The following BACH2 variants were observed in gnomAD, a reference collection of about 807,000 sequenced individuals.
BACH2 encodes the protein transcription regulator protein BACH2.
Under a neutral mutation model 61.8 loss-of-function variants are expected in BACH2, and 5 were observed. The ratio of observed to expected loss-of-function variants is 0.08; its 90% CI spans 0.04 to 0.17. The LOEUF (loss-of-function observed/expected upper bound fraction) is 0.17, where lower values mean the gene tolerates loss of function less well. BACH2 is among the 10% of genes least tolerant of loss of function. BACH2 has a pLI of 1.00. For synonymous variants in BACH2, 446 were observed against 440.1 expected, an observed-to-expected ratio of 1.01 and a Z score of -0.17; for missense variants, 824 against 1,091.1, an observed-to-expected ratio of 0.76 and a Z score of 3.45.
chr6:89,927,684 C>T lies in BACH2; in HGVS notation c.*4724G>A, dbSNP rs1231287137. 1 of 152,774 alleles carries T rather than the reference C, an allele frequency of 6.5e-6. No individual in the cohort carries two copies. The highest frequency in any genetic ancestry group is 1.9e-4 in the East Asian group (1 of 5,342). 9.5% of individuals were successfully genotyped at this position (152,774 alleles called of 1,614,324 possible). A position where few individuals can be genotyped will look rare whatever the true frequency, so the allele number is the denominator to read the frequency against. ...GGTATTCTTCACAAAATGGCAGCATCGTTTTCATATTACATTTAAAATGCA... is the reference window on the plus strand; with the variant it reads ...GGTATTCTTCACAAAATGGCAGCATTGTTTTCATATTACATTTAAAATGCA... On this transcript the variant is annotated 3_prime_UTR_variant, in exon 9 of 9. Transcript: ENST00000257749.
At chr6:90,083,252 T>C (rs1245466734) in intron 5 of BACH2, among the ~76,000 whole-genome samples, 1 of 152,222 alleles carries the variant, frequency 6.6e-6, no homozygotes, top group Non-Finnish European at 1.5e-5. Context: ...ACTATTAGAA[T>C]AAATTGATAA....
At chr6:90,005,944 A>T (rs1485427965) in intron 6 of BACH2, among the ~76,000 whole-genome samples, 1 of 152,230 alleles carries the variant, frequency 6.6e-6, no homozygotes, top group Non-Finnish European at 1.5e-5. Context: ...CACTTAAATG[A>T]GAACACACAG....
intron 3 of BACH2, among the ~76,000 whole-genome samples, chr6:90,207,664 A>C (rs556285429): frequency 6.6e-6 from 1 of 152,282 alleles, no homozygotes; most frequent in African/African-American, 2.4e-5. Flanking sequence ...CAGTGCTTTT[A>C]AAAATGAAAA....
intron 6 of BACH2, among the ~76,000 whole-genome samples, chr6:89,981,303 T>G (rs921059630): frequency 3.3e-5 from 5 of 149,736 alleles, no homozygotes; most frequent in Admixed American, 2.0e-4. Flanking sequence ...GGCTAATTTT[T>G]TTTTTCTTTT....
intron 5 of BACH2, among the ~76,000 whole-genome samples, chr6:90,083,851 AT>A (rs1781819560): frequency 6.6e-6 from 1 of 152,176 alleles, no homozygotes; most frequent in African/African-American, 2.4e-5. Flanking sequence ...GGACAAGAAT[AT>A]TTTTTATTAT....
intron 5 of BACH2, among the ~76,000 whole-genome samples, chr6:90,052,425 T>A (rs905001676): frequency 6.6e-6 from 1 of 152,072 alleles, no homozygotes; most frequent in African/African-American, 2.4e-5. Context: ...TATCTATCTA[T>A]CTATTTATTT....
rs114326473 is a variant in BACH2, at chr6:89,942,935, C to A, written c.1837-4585G>T. 5.6e-3 allele frequency among the ~76,000 whole-genome samples: 848 copies of A among 152,310 alleles called. 8 individuals are homozygous for A. Among genetic ancestry groups the A allele is most frequent in the African/African-American group, 0.02 (811 of 41,564 alleles). On this transcript the variant is annotated intron_variant, in intron 7 of 8. Transcript: ENST00000257749. Reference sequence around the variant, plus strand: ...ACGGTACCTGCCCTGTCCTGCTAAGCACGGCTATAGGAGGGTTAGTTCTTC... The same window carrying A: ...ACGGTACCTGCCCTGTCCTGCTAAGAACGGCTATAGGAGGGTTAGTTCTTC...
chr6:90,052,593 A>G (rs1308430110), intron 5 of BACH2, among the ~76,000 whole-genome samples: 1 of 151,954 alleles, frequency 6.6e-6, no homozygotes, highest in South Asian at 2.1e-4. Flanking sequence ...CTAATTTTTC[A>G]TATTTTTAGT....
At chr6:89,997,987 G>C (rs991894632) in intron 6 of BACH2, among the ~76,000 whole-genome samples, 3 of 152,176 alleles carry the variant, frequency 2.0e-5, no homozygotes, top group Admixed American at 6.5e-5. Context: ...GAAAATGATG[G>C]CTTAAAAATA....
intron 4 of BACH2, among the ~76,000 whole-genome samples, chr6:90,144,965 C>T (rs1472663390): frequency 2.6e-5 from 4 of 152,150 alleles, no homozygotes; most frequent in Non-Finnish European, 4.4e-5. Context: ...TCCTTGTAGA[C>T]GAAATCACTA....
At chr6:90,071,744 C>A (rs1781236789) in intron 5 of BACH2, among the ~76,000 whole-genome samples, 1 of 152,206 alleles carries the variant, frequency 6.6e-6, no homozygotes, top group African/African-American at 2.4e-5. Flanking sequence ...AACTTAATAG[C>A]CGGCTGTTGG....
intron 5 of BACH2, among the ~76,000 whole-genome samples, chr6:90,060,869 C>G (rs1050844496): frequency 6.6e-6 from 1 of 152,204 alleles, no homozygotes; most frequent in African/African-American, 2.4e-5. Flanking sequence ...TGCACCCCCA[C>G]ATGACCGTCA....
At chr6:90,111,009 T>C (rs749624495) in intron 4 of BACH2, among the ~76,000 whole-genome samples, 3 of 152,236 alleles carry the variant, frequency 2.0e-5, no homozygotes, top group Non-Finnish European at 4.4e-5. Flanking sequence ...ATTGTAAGCA[T>C]GTGCTGGTGA....
intron 4 of BACH2, among the ~76,000 whole-genome samples, chr6:90,179,253 T>A (rs527757384): frequency 6.6e-6 from 1 of 152,038 alleles, no homozygotes; most frequent in South Asian, 2.1e-4. Flanking sequence ...ACTAATGAAA[T>A]GTATCCATCT....
At chr6:90,132,572 T>A (rs1262597450) in intron 4 of BACH2, among the ~76,000 whole-genome samples, 1 of 152,138 alleles carries the variant, frequency 6.6e-6, no homozygotes, top group Non-Finnish European at 1.5e-5. Flanking sequence ...TCCATCTCTG[T>A]CTCTTTACTC....
In BACH2 at chr6:90,073,182, G is replaced by A. The variant is rs565327020; in HGVS notation, c.-13+15779C>T. On this transcript the variant is annotated intron_variant, in intron 5 of 8. Transcript: ENST00000257749. Reference sequence around the variant, plus strand: ...TCTTGCTCGAGAACAATGAAGATGAGGCTCCTTTAAAAAGCTTCAGGTTAG... The same window carrying A: ...TCTTGCTCGAGAACAATGAAGATGAAGCTCCTTTAAAAAGCTTCAGGTTAG... Among the ~76,000 whole-genome samples the A allele has an allele frequency of 7.2e-5, 11 of 152,278 alleles. No homozygotes were observed. The South Asian group carries it at 2.3e-3, about 32-fold the overall frequency.
In BACH2 at chr6:90,001,583, T is replaced by G. The variant is rs538407619; in HGVS notation, c.243+7019A>C. On this transcript the variant is annotated intron_variant, in intron 6 of 8. Coordinates refer to ENST00000257749, the MANE Select transcript of BACH2 (RefSeq NM_021813.4). Reference sequence around the variant, plus strand: ...ATGTCAGAGTCTGATTTGAGTCAGATGGATTTTGCTGGCTCTCTTCCAACA... The same window carrying G: ...ATGTCAGAGTCTGATTTGAGTCAGAGGGATTTTGCTGGCTCTCTTCCAACA... 2.9e-4 allele frequency: 44 copies of G among 152,346 alleles called. 1 individual carries two copies. Among genetic ancestry groups the G allele is most frequent in the African/African-American group, 1.1e-3 (44 of 41,574 alleles). 9.4% of individuals were successfully genotyped at this position (152,346 alleles called of 1,614,324 possible).
intron 4 of BACH2, among the ~76,000 whole-genome samples, chr6:90,187,125 T>C (rs2127843290): frequency 6.6e-6 from 1 of 152,272 alleles, no homozygotes; most frequent in Admixed American, 6.5e-5. Flanking sequence ...ATCTACTAAA[T>C]AAATAAATCA....
At chr6:90,078,420 T>C (rs1468999852) in intron 5 of BACH2, among the ~76,000 whole-genome samples, 1 of 151,626 alleles carries the variant, frequency 6.6e-6, no homozygotes, top group Non-Finnish European at 1.5e-5. Flanking sequence ...AACAGCAAAA[T>C]AAAAAAAACA....
Sources: gnomAD v4.1 joint callset for allele counts (sites outside exome capture counted in the v4.1 genomes callset) on GRCh38, gnomAD v4.1.1 for gene constraint, MANE v1.5 for transcripts, NCBI Gene and HGNC (gene_info 2026-07-23, HGNC 2026-07-21) for gene names.